GRIA1: variants seen among roughly 807,000 people sequenced by gnomAD.
GRIA1 encodes glutamate ionotropic receptor AMPA type subunit 1.
In GRIA1, 31 loss-of-function variants were observed where a neutral mutation model predicts 99.2. That is an observed-to-expected ratio of 0.31 (90% CI 0.23 to 0.42). The LOEUF (loss-of-function observed/expected upper bound fraction) is 0.42, where lower values mean the gene tolerates loss of function less well. GRIA1 is among the 10% of genes least tolerant of loss of function. GRIA1 has a pLI of 1.00. For missense variants in GRIA1, 782 were observed against 1,157.5 expected, an observed-to-expected ratio of 0.68 and a Z score of 4.71; for synonymous variants, 438 against 432.4, an observed-to-expected ratio of 1.01 and a Z score of -0.16.
At chr5:153,768,120 G>C (rs1396588198) in intron 12 of GRIA1, among the ~76,000 whole-genome samples, 1 of 152,188 alleles carries the variant, frequency 6.6e-6, no homozygotes, top group Non-Finnish European at 1.5e-5. Flanking sequence ...CTGCAAATCT[G>C]GTCACAGCTG....
chr5:153,658,913 A>G (rs992594436), intron 5 of GRIA1, among the ~76,000 whole-genome samples: 31 of 152,050 alleles, frequency 2.0e-4, no homozygotes, highest in African/African-American at 7.5e-4. Flanking sequence ...GCCGGAAGAG[A>G]GGAGGGGAGG....
intron 6 of GRIA1, among the ~76,000 whole-genome samples, chr5:153,675,297 C>T (rs564367234): frequency 8.6e-5 from 13 of 152,000 alleles, no homozygotes; most frequent in African/African-American, 1.2e-4. Flanking sequence ...TCTGCTCAGC[C>T]ATGTGCCCAG....
intron 1 of GRIA1, chr5:153,492,413 A>ATCCT (rs1754009742): frequency 9.3e-7 from 1 of 1,075,040 alleles, no homozygotes; most frequent in Admixed American, 3.1e-5. Flanking sequence ...TCAACCTCCC[A>ATCCT]TCCTTTCTCT....
intron 5 of GRIA1, among the ~76,000 whole-genome samples, chr5:153,662,671 G>A (rs1277435164): frequency 1.3e-5 from 2 of 152,210 alleles, no homozygotes; most frequent in African/African-American, 4.8e-5. Flanking sequence ...ATGAGAGAAA[G>A]GAGGTGATCT....
chr5:153,811,454 A>G lies in GRIA1; in HGVS notation c.*229A>G. On this transcript the variant is annotated 3_prime_UTR_variant, in exon 16 of 16. Transcript: ENST00000285900. ...TTTCTGTTTGCTAAGTGAGGATGAA[A>G]AAATAACACTGTACTGCAATAAGGG... 2.0e-6 allele frequency: 1 copy of G among 503,902 alleles called. No individual in the cohort carries two copies. The highest frequency in any genetic ancestry group is 3.2e-5 in the Admixed American group (1 of 30,880). 31.2% of individuals were successfully genotyped at this position (503,902 alleles called of 1,614,324 possible).
intron 11 of GRIA1, among the ~76,000 whole-genome samples, chr5:153,744,706 G>A (rs1438894560): frequency 1.3e-5 from 2 of 149,680 alleles, no homozygotes; most frequent in African/African-American, 5.0e-5. Flanking sequence ...AGCAAGGAGA[G>A]CTACCAACAG....
At chr5:153,539,907 C>T (rs994385894) in intron 2 of GRIA1, among the ~76,000 whole-genome samples, 4 of 152,190 alleles carry the variant, frequency 2.6e-5, no homozygotes, top group Non-Finnish European at 4.4e-5. Context: ...TGTAAGCTTG[C>T]GCTCAGCTAA....
intron 10 of GRIA1, among the ~76,000 whole-genome samples, chr5:153,700,591 T>C (rs1042071210): frequency 7.9e-5 from 12 of 152,060 alleles, no homozygotes; most frequent in East Asian, 3.9e-4. Context: ...TCAGTGGGCA[T>C]TGGGAGATCA....
chr5:153,685,466 A>G (rs1375604629), intron 7 of GRIA1, among the ~76,000 whole-genome samples: 3 of 152,200 alleles, frequency 2.0e-5, no homozygotes, highest in African/African-American at 7.2e-5. Context: ...ATACAATTTT[A>G]TTTTAGCCAA....
chr5:153,686,877 T>C (rs1757377078), intron 8 of GRIA1, among the ~76,000 whole-genome samples: 1 of 152,220 alleles, frequency 6.6e-6, no homozygotes, highest in Non-Finnish European at 1.5e-5. Context: ...TACCAGAACC[T>C]ATGTGCCCGG....
At chr5:153,681,444 A>T (rs886070380) in intron 7 of GRIA1, among the ~76,000 whole-genome samples, 1 of 152,204 alleles carries the variant, frequency 6.6e-6, no homozygotes, top group Non-Finnish European at 1.5e-5. Context: ...GGTAAATTTG[A>T]ACATGGAGTA....
At chr5:153,593,273 AT>A (rs1764136744) in intron 2 of GRIA1, among the ~76,000 whole-genome samples, 4 of 152,190 alleles carry the variant, frequency 2.6e-5, no homozygotes, top group African/African-American at 9.7e-5. Context: ...TCTCAAAAAA[AT>A]AAAAAATAAT....
At chr5:153,691,768 C>T (rs1452690829) in intron 8 of GRIA1, among the ~76,000 whole-genome samples, 3 of 152,180 alleles carry the variant, frequency 2.0e-5, no homozygotes, top group Non-Finnish European at 4.4e-5. Flanking sequence ...GCCCAGAGCC[C>T]AGGCCATCTT....
chr5:153,678,634 T>G (rs184829347), intron 7 of GRIA1, among the ~76,000 whole-genome samples: 99 of 152,330 alleles, frequency 6.5e-4, no homozygotes, highest in Admixed American at 2.9e-3. Flanking sequence ...AGATTCTGTT[T>G]GCAATGTGAG....
intron 2 of GRIA1, among the ~76,000 whole-genome samples, chr5:153,545,216 G>A (rs902762951): frequency 2.6e-5 from 4 of 152,172 alleles, no homozygotes; most frequent in Non-Finnish European, 5.9e-5. Context: ...AGGCTCATCG[G>A]AGACACTGAA....
chr5:153,807,243 C>G (rs1766493308), intron 15 of GRIA1, among the ~76,000 whole-genome samples: 2 of 152,194 alleles, frequency 1.3e-5, no homozygotes, highest in South Asian at 4.1e-4. Flanking sequence ...ACATACTGAG[C>G]ACCACTGCGT....
At chr5:153,729,793 C>T (rs1232821145) in intron 11 of GRIA1, among the ~76,000 whole-genome samples, 1 of 152,044 alleles carries the variant, frequency 6.6e-6, no homozygotes, top group Non-Finnish European at 1.5e-5. Context: ...TTTGCTGAAA[C>T]CTCTAAAACC....
At chr5:153,558,615 A>G (rs938263490) in intron 2 of GRIA1, among the ~76,000 whole-genome samples, 2 of 152,112 alleles carry the variant, frequency 1.3e-5, no homozygotes, top group African/African-American at 4.8e-5. Flanking sequence ...TGTCTGTACC[A>G]TAATTTGTTT....
intron 2 of GRIA1, among the ~76,000 whole-genome samples, chr5:153,609,830 G>A (rs1378454445): frequency 1.3e-5 from 2 of 151,664 alleles, no homozygotes; most frequent in East Asian, 1.9e-4. Context: ...CAAAGTGCTG[G>A]GATTACAGGC....
Sources: allele counts gnomAD v4.1 joint callset (sites outside exome capture counted in the v4.1 genomes callset), GRCh38; gene constraint gnomAD v4.1.1; transcripts MANE v1.5; gene names NCBI Gene and HGNC (gene_info 2026-07-23, HGNC 2026-07-21).